PPP3CC: variants seen among roughly 807,000 people sequenced by gnomAD.
PPP3CC encodes the protein protein phosphatase 3 catalytic subunit gamma, also known as serine/threonine-protein phosphatase 2B catalytic subunit gamma isoform.
In PPP3CC, 35 loss-of-function variants were observed where a neutral mutation model predicts 60.3. The ratio of observed to expected loss-of-function variants is 0.58; its 90% CI spans 0.44 to 0.77. The LOEUF (loss-of-function observed/expected upper bound fraction) is 0.77. Ranked by LOEUF, PPP3CC falls within the 30% of genes least tolerant of loss-of-function variation. PPP3CC has a pLI of 0.00. For synonymous variants in PPP3CC, 206 were observed against 224.3 expected (o/e 0.92, Z 0.73); for missense variants, 570 against 628.9 (o/e 0.91, Z 1.00).
intron 8 of PPP3CC, among the ~76,000 whole-genome samples, chr8:22,524,852 T>C (rs1839497584): frequency 6.6e-6 from 1 of 152,192 alleles, no homozygotes; most frequent in African/African-American, 2.4e-5. Context: ...TAGCAAACTT[T>C]TAACATCACA....
chr8:22,516,734 A>C (rs1021824900), intron 6 of PPP3CC, among the ~76,000 whole-genome samples: 1 of 152,186 alleles, frequency 6.6e-6, no homozygotes, highest in African/African-American at 2.4e-5. Flanking sequence ...AAGATGTTTT[A>C]TGTTTTTGTG....
chr8:22,481,382 GATA>G (rs1163001987), intron 3 of PPP3CC, among the ~76,000 whole-genome samples: 1 of 130,554 alleles, frequency 7.7e-6, no homozygotes, highest in Admixed American at 7.5e-5. Context: ...TAATAATAAT[GATA>G]ATATTCATTC....
At chr8:22,474,659 G>A (rs752572552) in intron 1 of PPP3CC, among the ~76,000 whole-genome samples, 6 of 152,052 alleles carry the variant, frequency 3.9e-5, no homozygotes, top group African/African-American at 1.5e-4. Flanking sequence ...AGCTGAGATC[G>A]TGTCACTGCA....
At chr8:22,486,326 G>T (rs995558931) in intron 3 of PPP3CC, among the ~76,000 whole-genome samples, 1 of 152,034 alleles carries the variant, frequency 6.6e-6, no homozygotes, top group Admixed American at 6.6e-5. Context: ...CCAGCCCCAG[G>T]GAATGAATTC....
intron 1 of PPP3CC, among the ~76,000 whole-genome samples, chr8:22,470,089 C>CAT (rs1029032759): frequency 6.7e-5 from 10 of 149,694 alleles, no homozygotes; most frequent in Non-Finnish European, 1.2e-4. Context: ...CACACACATA[C>CAT]ATATATATAT....
intron 8 of PPP3CC, among the ~76,000 whole-genome samples, chr8:22,526,448 T>C (rs1839564545): frequency 6.6e-6 from 1 of 152,166 alleles, no homozygotes; most frequent in Non-Finnish European, 1.5e-5. Flanking sequence ...TCATAGCCAG[T>C]GTTAGGCTTT....
intron 12 of PPP3CC, among the ~76,000 whole-genome samples, chr8:22,534,679 AAACAAC>A: frequency 6.6e-6 from 1 of 152,382 alleles, no homozygotes; most frequent in Middle Eastern, 3.4e-3. Flanking sequence ...TCAAAGCTGG[AAACAAC>A]CCAGATGTCC....
At chr8:22,467,429 A>G (rs1295488240) in intron 1 of PPP3CC, among the ~76,000 whole-genome samples, 1 of 151,870 alleles carries the variant, frequency 6.6e-6, no homozygotes, top group Non-Finnish European at 1.5e-5. Flanking sequence ...TAGTCTATTC[A>G]AGATGTGTTT....
At chr8:22,482,793 G>T (rs1467237547) in intron 3 of PPP3CC, among the ~76,000 whole-genome samples, 1 of 152,156 alleles carries the variant, frequency 6.6e-6, no homozygotes, top group African/African-American at 2.4e-5. Context: ...ATGTGCCCAA[G>T]ATTATGAATG....
intron 12 of PPP3CC, among the ~76,000 whole-genome samples, chr8:22,537,116 G>A (rs989953570): frequency 5.3e-5 from 8 of 152,066 alleles, no homozygotes; most frequent in African/African-American, 1.9e-4. Flanking sequence ...ACTGCAAATG[G>A]TACTATCAAG....
intron 10 of PPP3CC, among the ~76,000 whole-genome samples, chr8:22,531,708 C>A (rs915306708): frequency 1.1e-4 from 16 of 152,218 alleles, no homozygotes; most frequent in African/African-American, 3.6e-4. Flanking sequence ...GGCAATAACT[C>A]ACTAATATAA....
intron 1 of PPP3CC, among the ~76,000 whole-genome samples, chr8:22,470,560 A>G (rs1837691833): frequency 6.6e-6 from 1 of 152,208 alleles, no homozygotes; most frequent in African/African-American, 2.4e-5. Context: ...AACTTTCGTC[A>G]GTCAATAAGA....
rs535757367 is a variant in PPP3CC at position 22,441,129 on chromosome 8, C to T, written c.-281C>T. ...CAGCCGCGGCCGTCCCGGTCGCCAC[C>T]CTTAGCAGCGGTCGCGGTCGGTGCC... On this transcript the variant is annotated 5_prime_UTR_variant, in exon 1 of 14. Coordinates refer to ENST00000240139, the MANE Select transcript of PPP3CC (RefSeq NM_005605.5). The T allele has an allele frequency of 3.1e-3, 996 of 321,224 alleles. 4 individuals are homozygous for T. The highest frequency in any genetic ancestry group is 0.017 in the South Asian group (118 of 7,134). The allele number at this position is 321,224 out of a possible 1,614,324, so 19.9% of individuals were successfully genotyped here.
At chr8:22,529,774 C>G (rs1586869548) in intron 10 of PPP3CC, among the ~76,000 whole-genome samples, 1 of 152,092 alleles carries the variant, frequency 6.6e-6, no homozygotes, top group Non-Finnish European at 1.5e-5. Context: ...GCATGAGCCA[C>G]CATGCCCAGC....
chr8:22,516,898 G>T (rs1839260308), intron 6 of PPP3CC, among the ~76,000 whole-genome samples: 1 of 152,080 alleles, frequency 6.6e-6, no homozygotes, highest in Admixed American at 6.6e-5. Context: ...ATGAGTTATG[G>T]TGGTTTTGGC....
At chr8:22,465,133 GT>G (rs1379978651) in intron 1 of PPP3CC, among the ~76,000 whole-genome samples, 1 of 151,994 alleles carries the variant, frequency 6.6e-6, no homozygotes, top group Non-Finnish European at 1.5e-5. Flanking sequence ...AATTTTTGTT[GT>G]GTTTTTAGTA....
chr8:22,533,718 G>A lies in PPP3CC; in HGVS notation c.1321+700G>A, dbSNP rs189566316. On this transcript the variant is annotated intron_variant, in intron 12 of 13. Coordinates refer to ENST00000240139, the MANE Select transcript of PPP3CC (RefSeq NM_005605.5). ...TGGGCACCTGTGATCCCAGCTACTC[G>A]GTTGCCTGAGACAGGAGAATTGCTT... is the stretch of plus-strand genomic sequence containing the variant. 1.1e-4 allele frequency among the ~76,000 whole-genome samples: 17 copies of A among 152,212 alleles called. No individual in the cohort carries two copies. The South Asian group carries it at 1.2e-3, about 11-fold the overall frequency.
intron 1 of PPP3CC, among the ~76,000 whole-genome samples, chr8:22,465,795 T>C (rs968780865): frequency 1.3e-5 from 2 of 152,170 alleles, no homozygotes; most frequent in Non-Finnish European, 2.9e-5. Context: ...GAAGAGTATG[T>C]AGAGTGAGAA....
chr8:22,511,300 T>A lies in PPP3CC; in HGVS notation c.630+69T>A, dbSNP rs1354171417. 14 of 1,495,254 alleles carry A rather than the reference T, an allele frequency of 9.4e-6. No individual in the cohort carries two copies. In the East Asian group the frequency reaches 3.0e-4, roughly 32 times the overall value. The allele number at this position is 1,495,254 out of a possible 1,614,324, so 92.6% of individuals were successfully genotyped here. Reference sequence around the variant, plus strand: ...GTGTTGGGTTTTTTTGTTGTTGTTGTTTGCTTTGAGACAGAGTCTCTCTCT... The same window carrying A: ...GTGTTGGGTTTTTTTGTTGTTGTTGATTGCTTTGAGACAGAGTCTCTCTCT... On this transcript the variant is annotated intron_variant, in intron 5 of 13. Transcript: ENST00000240139.
Sources: allele counts gnomAD v4.1 joint callset (sites outside exome capture counted in the v4.1 genomes callset), GRCh38; gene constraint gnomAD v4.1.1; transcripts MANE v1.5; gene names NCBI Gene and HGNC (gene_info 2026-07-23, HGNC 2026-07-21).